The following INPP4B variants were observed in gnomAD, a reference collection of about 807,000 sequenced individuals.
INPP4B encodes the protein inositol polyphosphate 4-phosphatase type II.
INPP4B carries 55 observed loss-of-function variants against 122.5 expected under a neutral mutation model. That is an observed-to-expected ratio of 0.45 (90% CI 0.36 to 0.56). The LOEUF (loss-of-function observed/expected upper bound fraction) is 0.56. Among genes scored for constraint, INPP4B ranks in the 20% least tolerant of loss-of-function variants. INPP4B has a pLI of 0.00. For missense variants in INPP4B, 1,000 were observed against 1,097.7 expected (o/e 0.91, Z 1.26); for synonymous variants, 403 against 388.7 (o/e 1.04, Z -0.43).
intron 2 of INPP4B, among the ~76,000 whole-genome samples, chr4:142,700,380 T>C (rs981404534): frequency 1.3e-5 from 2 of 152,256 alleles, no homozygotes; most frequent in Non-Finnish European, 2.9e-5. Context: ...TTCACAGTAC[T>C]GAGTTGAATA....
intron 7 of INPP4B, among the ~76,000 whole-genome samples, chr4:142,402,649 C>G (rs1393524579): frequency 1.3e-5 from 2 of 152,034 alleles, no homozygotes; most frequent in East Asian, 3.9e-4. Context: ...TGCTTTCTAC[C>G]CACAATATTA....
chr4:142,741,141 C>T (rs1395039459), intron 1 of INPP4B, among the ~76,000 whole-genome samples: 2 of 151,882 alleles, frequency 1.3e-5, no homozygotes, highest in African/African-American at 4.8e-5. Flanking sequence ...TGTATTAGGC[C>T]ATTCTTGTGT....
chr4:142,029,133 T>C (rs1357246906), intron 25 of INPP4B: 3 of 1,247,412 alleles, frequency 2.4e-6, no homozygotes, highest in African/African-American at 3.1e-5. Context: ...TAAGTCTCTT[T>C]ACTCTTAACA....
chr4:142,711,269 C>T (rs1763082834), intron 2 of INPP4B, among the ~76,000 whole-genome samples: 1 of 152,186 alleles, frequency 6.6e-6, no homozygotes, highest in Admixed American at 6.5e-5. Context: ...AAATATATAA[C>T]TCCAGACCCA....
At chr4:142,737,300 T>A (rs966670195) in intron 1 of INPP4B, among the ~76,000 whole-genome samples, 1 of 152,050 alleles carries the variant, frequency 6.6e-6, no homozygotes, top group Admixed American at 6.6e-5. Context: ...TCCTCAGAAA[T>A]AATGCCACAT....
intron 7 of INPP4B, among the ~76,000 whole-genome samples, chr4:142,352,978 TA>T (rs1427495407): frequency 2.0e-5 from 3 of 151,968 alleles, no homozygotes; most frequent in Non-Finnish European, 4.4e-5. Context: ...CCCATATAAC[TA>T]AACTCCTGTC....
intron 2 of INPP4B, among the ~76,000 whole-genome samples, chr4:142,504,510 T>C (rs1016750642): frequency 2.0e-5 from 3 of 152,164 alleles, no homozygotes; most frequent in African/African-American, 7.2e-5. Context: ...AAAGTCCTAG[T>C]GCATTAATAG....
At chr4:142,190,908 G>T (rs936528631) in intron 15 of INPP4B, among the ~76,000 whole-genome samples, 2 of 151,990 alleles carry the variant, frequency 1.3e-5, no homozygotes, top group Admixed American at 1.3e-4. Flanking sequence ...AGAGGGTTAG[G>T]TTCCATATTT....
intron 10 of INPP4B, among the ~76,000 whole-genome samples, chr4:142,269,510 G>C (rs1475867203): frequency 6.6e-6 from 1 of 152,106 alleles, no homozygotes; most frequent in East Asian, 1.9e-4. Flanking sequence ...GAATCTAAAA[G>C]ATTCAAACTC....
chr4:142,288,906 AG>A (rs1305732218), intron 9 of INPP4B, among the ~76,000 whole-genome samples: 1 of 152,170 alleles, frequency 6.6e-6, no homozygotes, highest in Non-Finnish European at 1.5e-5. Flanking sequence ...TGGTGGTAAA[AG>A]CTGCAGAATC....
intron 2 of INPP4B, among the ~76,000 whole-genome samples, chr4:142,525,305 C>T (rs1826748326): frequency 6.7e-6 from 1 of 149,536 alleles, no homozygotes; most frequent in Non-Finnish European, 1.5e-5. Context: ...TGAAAATGGC[C>T]ATACTGCCCA....
intron 2 of INPP4B, among the ~76,000 whole-genome samples, chr4:142,551,943 C>A (rs562120433): frequency 6.6e-6 from 1 of 152,234 alleles, no homozygotes; most frequent in South Asian, 2.1e-4. Flanking sequence ...AACTCTGATG[C>A]AATAGACAGT....
At chr4:142,464,519 C>T (rs532659745) in intron 2 of INPP4B, among the ~76,000 whole-genome samples, 8 of 151,650 alleles carry the variant, frequency 5.3e-5, no homozygotes, top group African/African-American at 1.9e-4. Flanking sequence ...TACCAGGACT[C>T]ATTTAATTTG....
intron 11 of INPP4B, among the ~76,000 whole-genome samples, chr4:142,253,362 G>A (rs576775390): frequency 1.3e-4 from 20 of 152,250 alleles, no homozygotes; most frequent in Admixed American, 5.9e-4. Context: ...CAAGATGGCC[G>A]AATAGGAACA....
intron 12 of INPP4B, among the ~76,000 whole-genome samples, chr4:142,214,124 G>A (rs1846055771): frequency 6.6e-6 from 1 of 152,194 alleles, no homozygotes; most frequent in Non-Finnish European, 1.5e-5. Context: ...TCAATGGGCA[G>A]CTCTAGTCAC....
At chr4:142,346,710 G>A (rs1780420875) in intron 7 of INPP4B, among the ~76,000 whole-genome samples, 1 of 151,694 alleles carries the variant, frequency 6.6e-6, no homozygotes, top group South Asian at 2.1e-4. Flanking sequence ...GATCAAATTA[G>A]GTAAATATTA....
At chr4:142,348,610 A>G (rs1173285689) in intron 7 of INPP4B, among the ~76,000 whole-genome samples, 1 of 152,074 alleles carries the variant, frequency 6.6e-6, no homozygotes, top group Non-Finnish European at 1.5e-5. Flanking sequence ...ATAAGGAAAT[A>G]AAAGAACTTC....
At chr4:142,315,950 G>A (rs1767461178) in intron 7 of INPP4B, among the ~76,000 whole-genome samples, 2 of 151,760 alleles carry the variant, frequency 1.3e-5, no homozygotes, top group African/African-American at 4.8e-5. Context: ...AATCCTCCCA[G>A]ATTGAAGGGA....
chr4:142,050,698 A>G (rs1029032216), intron 25 of INPP4B, among the ~76,000 whole-genome samples: 17 of 152,154 alleles, frequency 1.1e-4, no homozygotes, highest in Non-Finnish European at 1.5e-4. Flanking sequence ...TAAAATAGGG[A>G]TGATAAATTT....
Sources: gnomAD v4.1 joint callset for allele counts (sites outside exome capture counted in the v4.1 genomes callset) on GRCh38, gnomAD v4.1.1 for gene constraint, MANE v1.5 for transcripts, NCBI Gene and HGNC (gene_info 2026-07-23, HGNC 2026-07-21) for gene names.